ZHX2: variants seen among roughly 807,000 people sequenced by gnomAD.
ZHX2 encodes the protein zinc fingers and homeoboxes 2.
Under a neutral mutation model 21.9 loss-of-function variants are expected in ZHX2, and 6 were observed. The observed-to-expected ratio is 0.27, with a 90% CI of 0.15 to 0.54. The LOEUF is 0.54. Among genes scored for constraint, ZHX2 ranks in the 20% least tolerant of loss-of-function variants. The pLI, the probability that ZHX2 is intolerant of heterozygous loss-of-function variation, is 0.95. For synonymous variants in ZHX2, 434 were observed against 437.1 expected (o/e 0.99, Z 0.09); for missense variants, 908 against 1,090.7 (o/e 0.83, Z 2.36).
intron 1 of ZHX2, among the ~76,000 whole-genome samples, chr8:122,811,408 C>T (rs1412092630): frequency 2.0e-5 from 3 of 152,052 alleles, no homozygotes; most frequent in Non-Finnish European, 4.4e-5. Flanking sequence ...AATAAAATAT[C>T]TACTTTGTTA....
In ZHX2 at chr8:122,881,931, T is replaced by G. The variant is rs1471214241; in HGVS notation, c.-220+18392T>G. Among the ~76,000 whole-genome samples the G allele has an allele frequency of 3.9e-5, 6 of 152,220 alleles. No homozygotes were observed. In the East Asian group the frequency reaches 9.6e-4, roughly 24 times the overall value. On this transcript the variant is annotated intron_variant, in intron 2 of 3. Transcript: ENST00000314393. Reference sequence around the variant, plus strand: ...TCAACCGGCAAATTTAGTGGCACTGTGCACCCAGATTTGCATTAACCATGG... The same window carrying G: ...TCAACCGGCAAATTTAGTGGCACTGGGCACCCAGATTTGCATTAACCATGG...
intron 3 of ZHX2, among the ~76,000 whole-genome samples, chr8:122,967,376 A>G (rs530252602): frequency 6.6e-6 from 1 of 152,096 alleles, no homozygotes; most frequent in South Asian, 2.1e-4. Context: ...TTCTCTAGGG[A>G]TGGGGCTTCC....
intron 1 of ZHX2, among the ~76,000 whole-genome samples, chr8:122,853,766 G>A (rs1284253955): frequency 1.3e-5 from 2 of 151,680 alleles, no homozygotes; most frequent in Non-Finnish European, 2.9e-5. Context: ...ATCTCCCCAT[G>A]CCCTTTTCCC....
chr8:122,909,022 G>T (rs1325845310), intron 2 of ZHX2, among the ~76,000 whole-genome samples: 1 of 152,162 alleles, frequency 6.6e-6, no homozygotes, highest in Non-Finnish European at 1.5e-5. Context: ...CTTCTACCAG[G>T]TTCCAGAAAT....
intron 2 of ZHX2, among the ~76,000 whole-genome samples, chr8:122,868,937 CT>C (rs2129674558): frequency 6.6e-6 from 1 of 152,304 alleles, no homozygotes; most frequent in East Asian, 1.9e-4. Context: ...AGCAGCACCC[CT>C]GATCACAGAA....
rs1460232683 is a variant in ZHX2 at position 122,954,036 on chromosome 8, C to T, written c.*4+8C>T. The T allele has an allele frequency of 1.3e-6, 2 of 1,564,976 alleles. No homozygotes were observed. Among genetic ancestry groups the T allele is most frequent in the African/African-American group, 2.7e-5 (2 of 73,726 alleles). On this transcript the variant is annotated splice_region_variant and intron_variant, in intron 3 of 3. Coordinates refer to ENST00000314393, the MANE Select transcript of ZHX2 (RefSeq NM_014943.5). The stretch of plus-strand genomic sequence containing the variant: ...CTGGCCAGGCCTAGACAGGTAATTC[C>T]ACCTGCTCACCCAGGCAGCAGGGGA...
chr8:122,875,809 A>G (rs1478314081), intron 2 of ZHX2, among the ~76,000 whole-genome samples: 1 of 152,238 alleles, frequency 6.6e-6, no homozygotes, highest in Non-Finnish European at 1.5e-5. Context: ...GAATTTTTCT[A>G]CATTGCCTCC....
intron 2 of ZHX2, among the ~76,000 whole-genome samples, chr8:122,923,935 A>G (rs1024590386): frequency 6.6e-6 from 1 of 152,228 alleles, no homozygotes; most frequent in Non-Finnish European, 1.5e-5. Context: ...TTGCTAAAAT[A>G]TAAGGCATTT....
At chr8:122,886,660 T>A (rs1819848394) in intron 2 of ZHX2, among the ~76,000 whole-genome samples, 1 of 152,238 alleles carries the variant, frequency 6.6e-6, no homozygotes, top group Non-Finnish European at 1.5e-5. Context: ...TATTAATTTT[T>A]GTTTAAAGTT....
intron 2 of ZHX2, among the ~76,000 whole-genome samples, chr8:122,895,743 G>GAA (rs5894646): frequency 2.4e-5 from 3 of 125,152 alleles, no homozygotes; most frequent in Non-Finnish European, 3.5e-5. Flanking sequence ...ATGGTGTGGG[G>GAA]AAAAAAAAAA....
intron 1 of ZHX2, among the ~76,000 whole-genome samples, chr8:122,788,959 C>T (rs1006181890): frequency 6.6e-6 from 1 of 152,232 alleles, no homozygotes; most frequent in African/African-American, 2.4e-5. Flanking sequence ...TGTAAAGCCT[C>T]TATCAGTGTC....
At chr8:122,783,495 A>ACT (rs1197281477) in intron 1 of ZHX2, among the ~76,000 whole-genome samples, 1 of 152,058 alleles carries the variant, frequency 6.6e-6, no homozygotes, top group African/African-American at 2.4e-5. Context: ...AAAACCACAC[A>ACT]CACACACACT....
At chr8:122,824,005 A>G (rs921943581) in intron 1 of ZHX2, among the ~76,000 whole-genome samples, 20 of 152,232 alleles carry the variant, frequency 1.3e-4, no homozygotes, top group Non-Finnish European at 2.8e-4. Flanking sequence ...ACATGAATCA[A>G]TTCAGACATT....
chr8:122,899,961 G>A (rs558327719), intron 2 of ZHX2, among the ~76,000 whole-genome samples: 13 of 152,298 alleles, frequency 8.5e-5, no homozygotes, highest in Middle Eastern at 3.4e-3. Flanking sequence ...GAGTTTAGGC[G>A]TTTTGGGAAA....
At chr8:122,880,139 T>C (rs1463353981) in intron 2 of ZHX2, among the ~76,000 whole-genome samples, 5 of 151,822 alleles carry the variant, frequency 3.3e-5, no homozygotes, top group Non-Finnish European at 2.9e-5. Context: ...ACCTGGCTAA[T>C]TTTTTTGTAT....
At chr8:122,945,402 T>TC (rs1360074882) in intron 2 of ZHX2, among the ~76,000 whole-genome samples, 2 of 134,078 alleles carry the variant, frequency 1.5e-5, no homozygotes, top group Non-Finnish European at 3.0e-5. Context: ...CTATGTAGAC[T>TC]GATCATTTCT....
At chr8:122,871,107 C>T (rs1228068281) in intron 2 of ZHX2, among the ~76,000 whole-genome samples, 3 of 152,160 alleles carry the variant, frequency 2.0e-5, no homozygotes, top group Non-Finnish European at 4.4e-5. Flanking sequence ...CACATCCTGG[C>T]CCAGCCAAGT....
At chr8:122,909,257 C>A (rs913992554) in intron 2 of ZHX2, among the ~76,000 whole-genome samples, 15 of 151,952 alleles carry the variant, frequency 9.9e-5, no homozygotes, top group African/African-American at 3.4e-4. Flanking sequence ...AGGGTGAAAC[C>A]CCCGTCTCTA....
At chr8:122,859,065 C>T (rs770343691) in intron 1 of ZHX2, among the ~76,000 whole-genome samples, 1 of 152,196 alleles carries the variant, frequency 6.6e-6, no homozygotes, top group Non-Finnish European at 1.5e-5. Context: ...TGGTTAGAGC[C>T]CTGCCCAGCT....
Sources: gnomAD v4.1 joint callset for allele counts (sites outside exome capture counted in the v4.1 genomes callset) on GRCh38, gnomAD v4.1.1 for gene constraint, MANE v1.5 for transcripts, NCBI Gene and HGNC (gene_info 2026-07-23, HGNC 2026-07-21) for gene names.